Variants in OTOA observed in about 807,000 individuals in gnomAD.
OTOA encodes the protein otoancorin.
In OTOA, 70 loss-of-function variants were observed where a neutral mutation model predicts 110.8. The observed-to-expected ratio is 0.63, with a 90% CI of 0.52 to 0.77. The LOEUF (loss-of-function observed/expected upper bound fraction) is 0.77. OTOA is among the 30% of genes least tolerant of loss of function. OTOA has a pLI of 0.00. For missense variants in OTOA, 917 were observed against 1,075.8 expected (o/e 0.85, Z 2.06); for synonymous variants, 373 against 431.5 (o/e 0.86, Z 1.68).
chr16:21,685,664 G>A (rs543678685), intron 7 of OTOA, among the ~76,000 whole-genome samples: 1 of 152,286 alleles, frequency 6.6e-6, no homozygotes, highest in East Asian at 1.9e-4. Context: ...CTGGGTTTAA[G>A]TGATTCTTGT....
At chr16:21,696,272 CCT>C (rs1273699505) in intron 9 of OTOA, among the ~76,000 whole-genome samples, 14 of 151,866 alleles carry the variant, frequency 9.2e-5, no homozygotes, top group Admixed American at 3.3e-4. Context: ...CAGAGAGAGT[CCT>C]CTGGGAATTC....
chr16:21,693,638 G>C (rs558976503), intron 9 of OTOA, among the ~76,000 whole-genome samples: 1 of 152,288 alleles, frequency 6.6e-6, no homozygotes, highest in East Asian at 1.9e-4. Context: ...CTGGAGTGCA[G>C]TGGCACAATC....
intron 1 of OTOA, among the ~76,000 whole-genome samples, chr16:21,675,718 G>GT (rs1163731988): frequency 3.3e-5 from 5 of 151,842 alleles, no homozygotes; most frequent in East Asian, 3.9e-4. Context: ...TCCTCTTGGG[G>GT]TTTTTTTCGC....
intron 10 of OTOA, 93 bp downstream of exon 10, chr16:21,697,968 G>A (rs779117462): frequency 8.7e-7 from 1 of 1,147,124 alleles, no homozygotes; most frequent in Non-Finnish European, 1.3e-6. Flanking sequence ...AGCCAGTCAA[G>A]GTGCCTTGGA....
chr16:21,714,111 A>G (rs1898441006), intron 13 of OTOA, among the ~76,000 whole-genome samples: 1 of 152,218 alleles, frequency 6.6e-6, no homozygotes, highest in Non-Finnish European at 1.5e-5. Context: ...GTCTTTTCAT[A>G]GAACCAAAGC....
Position 21,700,883 on chromosome 16 carries a change from A to G in OTOA, c.841-5A>G, listed in dbSNP as rs766277180. On this transcript the variant is annotated splice_polypyrimidine_tract_variant and splice_region_variant and intron_variant, in intron 10 of 28. Transcript: ENST00000646100. ...CTGATATTCTCGTCCTTGTCCACCA[A>G]CTAGATTGGGCTGTTTATCAGCTAT... 2.5e-6 allele frequency: 4 copies of G among 1,613,770 alleles called. No individual in the cohort carries two copies. Among genetic ancestry groups the G allele is most frequent in the African/African-American group, 2.7e-5 (2 of 74,852 alleles).
intron 9 of OTOA, among the ~76,000 whole-genome samples, chr16:21,697,403 C>T (rs1183275080): frequency 1.3e-5 from 2 of 151,772 alleles, no homozygotes; most frequent in African/African-American, 2.4e-5. Flanking sequence ...AGGCAAGAGG[C>T]GGGCAGATCA....
chr16:21,697,667 A>G, intron 9 of OTOA, 108 bp from the exon 10 acceptor site: 1 of 998,412 alleles, frequency 1.0e-6, no homozygotes, highest in Non-Finnish European at 1.6e-6. Flanking sequence ...GAATTAATGA[A>G]TGCAAGAAGT....
chr16:21,700,919 C>T lies in OTOA; in HGVS notation c.872C>T (p.Thr291Ile), dbSNP rs1483491320. ...CTGTTTATCAGCTATGACAACGCCA[C>T]CAAGCAGCTGGACATGGTCTATGAC... ...IGLFISYDNA[T>I]KQLDMVYDIT... is the part of the protein sequence containing the mutation. The change falls in exon 11 of 29, where the codon ACC becomes ATC. Residue 291 changes from threonine to isoleucine, a missense_variant. By Grantham distance (89) the Thr-to-Ile change is moderately conservative. Around this residue, in one of 6 missense-constraint regions of OTOA, gnomAD observed 840 missense variants for 910.2 expected, o/e 0.92. Transcript: ENST00000646100. 2 of 1,613,896 alleles carry T rather than the reference C, an allele frequency of 1.2e-6. No individual in the cohort carries two copies. The highest frequency in any genetic ancestry group is 1.3e-5 in the African/African-American group (1 of 74,858).
chr16:21,696,568 A>G (rs1897944912), intron 9 of OTOA, among the ~76,000 whole-genome samples: 1 of 151,896 alleles, frequency 6.6e-6, no homozygotes, highest in African/African-American at 2.4e-5. Context: ...TTGCCAGATT[A>G]TTATCATTAT....
At chr16:21,757,343 C>G (rs1254372537) in intron 28 of OTOA, 66 bp downstream of exon 28, 1 of 325,982 alleles carries the variant, frequency 3.1e-6, no homozygotes, top group Non-Finnish European at 6.0e-6. Context: ...CCCTGTCAGG[C>G]CTGGGGTGGG....
intron 13 of OTOA, among the ~76,000 whole-genome samples, chr16:21,714,298 T>TGTC: frequency 5.0e-5 from 5 of 99,410 alleles, no homozygotes; most frequent in Non-Finnish European, 8.6e-5. Context: ...TTTCTTTTCC[T>TGTC]TTCTTCCTTC....
chr16:21,694,434 C>G (rs541105555), intron 9 of OTOA, among the ~76,000 whole-genome samples: 1 of 152,004 alleles, frequency 6.6e-6, no homozygotes, highest in African/African-American at 2.4e-5. Flanking sequence ...CAGAGCGAGA[C>G]CTTGTCTCTA....
At chr16:21,677,271 T>C (rs891784909) in intron 1 of OTOA, among the ~76,000 whole-genome samples, 3 of 152,056 alleles carry the variant, frequency 2.0e-5, no homozygotes, top group African/African-American at 7.2e-5. Flanking sequence ...TGTCAAACAG[T>C]TTTTCCAAGC....
intron 1 of OTOA, among the ~76,000 whole-genome samples, chr16:21,664,436 G>T (rs753169962): frequency 2.6e-5 from 4 of 151,942 alleles, no homozygotes; most frequent in Non-Finnish European, 5.9e-5. Flanking sequence ...GGAGGGGGGG[G>T]ACGATGAAAC....
intron 20 of OTOA, among the ~76,000 whole-genome samples, chr16:21,728,703 C>T (rs915618660): frequency 2.0e-5 from 3 of 151,972 alleles, no homozygotes; most frequent in Non-Finnish European, 4.4e-5. Context: ...ATTCTCCTGC[C>T]TCAGCCTCCC....
intron 17 of OTOA, among the ~76,000 whole-genome samples, chr16:21,722,626 T>C (rs938192074): frequency 2.0e-5 from 3 of 152,066 alleles, no homozygotes; most frequent in Non-Finnish European, 2.9e-5. Context: ...ACTTAACCAA[T>C]CCCCTGCTGA....
At chr16:21,690,483 T>A (rs979870034) in intron 8 of OTOA, among the ~76,000 whole-genome samples, 1 of 152,110 alleles carries the variant, frequency 6.6e-6, no homozygotes, top group Admixed American at 6.6e-5. Flanking sequence ...CTGAGGATAA[T>A]GGCTTCCAGG....
intron 17 of OTOA, chr16:21,721,254 C>CAT (rs917554792): frequency 1.2e-4 from 55 of 448,520 alleles, no homozygotes; most frequent in Middle Eastern, 6.6e-4. Context: ...CACACACACA[C>CAT]ACACACACAC....
Sources: gnomAD v4.1 joint callset for allele counts (sites outside exome capture counted in the v4.1 genomes callset) on GRCh38, gnomAD v4.1.1 for gene constraint, gnomAD v4.1.1 regional missense constraint, MANE v1.5 for transcripts, NCBI Gene and HGNC (gene_info 2026-07-23, HGNC 2026-07-21) for gene names.